Variants in SIK3 observed in about 807,000 individuals in gnomAD.
SIK3 encodes the protein serine/threonine-protein kinase SIK3.
SIK3 carries 28 observed loss-of-function variants against 144.2 expected under a neutral mutation model. That is an observed-to-expected ratio of 0.19 (90% CI 0.14 to 0.27). SIK3 has a LOEUF of 0.27. SIK3 is among the 10% of genes least tolerant of loss of function. The pLI is 1.00. For synonymous variants in SIK3, 686 were observed against 676.3 expected (o/e 1.01, Z -0.22); for missense variants, 1,319 against 1,776.0 (o/e 0.74, Z 4.62).
At chr11:117,093,156 C>T (rs1397839564) in intron 1 of SIK3, among the ~76,000 whole-genome samples, 1 of 152,180 alleles carries the variant, frequency 6.6e-6, no homozygotes, top group Non-Finnish European at 1.5e-5. Flanking sequence ...GTAAATTCTG[C>T]TTTCAATTTC....
At chr11:116,903,879 C>A (rs1399153254) in intron 4 of SIK3, among the ~76,000 whole-genome samples, 5 of 152,198 alleles carry the variant, frequency 3.3e-5, no homozygotes, top group Admixed American at 6.5e-5. Context: ...AGCCACTGCA[C>A]CAAGCCAAGA....
intron 3 of SIK3, among the ~76,000 whole-genome samples, chr11:116,943,531 G>A (rs1170925314): frequency 6.6e-6 from 1 of 152,174 alleles, no homozygotes; most frequent in African/African-American, 2.4e-5. Flanking sequence ...TGTTTGGGCA[G>A]CTGGTATACT....
At chr11:117,087,671 G>A (rs1031736328) in intron 1 of SIK3, among the ~76,000 whole-genome samples, 2 of 152,192 alleles carry the variant, frequency 1.3e-5, no homozygotes, top group Admixed American at 1.3e-4. Flanking sequence ...AGTGAGCCAA[G>A]CCTGCTCATA....
intron 3 of SIK3, among the ~76,000 whole-genome samples, chr11:116,927,965 C>T (rs1445252433): frequency 6.6e-6 from 1 of 152,186 alleles, no homozygotes; most frequent in African/African-American, 2.4e-5. Flanking sequence ...TAGCGATATA[C>T]CTACATCTTT....
intron 1 of SIK3, chr11:117,035,735 T>A (rs1952467361): frequency 8.6e-7 from 1 of 1,167,138 alleles, no homozygotes; most frequent in East Asian, 2.4e-5. Flanking sequence ...TTTTAATTTT[T>A]TTTTTTAATC....
At chr11:116,939,335 A>G (rs981861079) in intron 3 of SIK3, among the ~76,000 whole-genome samples, 3 of 152,168 alleles carry the variant, frequency 2.0e-5, no homozygotes, top group African/African-American at 7.2e-5. Flanking sequence ...TTCAATAAAG[A>G]CAAGGTTTCA....
intron 4 of SIK3, among the ~76,000 whole-genome samples, chr11:116,906,406 C>T (rs1248948525): frequency 6.6e-5 from 10 of 152,014 alleles, no homozygotes; most frequent in Non-Finnish European, 1.5e-5. Flanking sequence ...TGAAGATATT[C>T]TGAGAAACTG....
chr11:117,088,544 T>C (rs1375621582), intron 1 of SIK3, among the ~76,000 whole-genome samples: 1 of 152,178 alleles, frequency 6.6e-6, no homozygotes, highest in Non-Finnish European at 1.5e-5. Flanking sequence ...AATGAATATC[T>C]GCAGACATTG....
chr11:116,952,994 A>G (rs753520758), intron 3 of SIK3, among the ~76,000 whole-genome samples: 1 of 152,198 alleles, frequency 6.6e-6, no homozygotes, highest in Non-Finnish European at 1.5e-5. Flanking sequence ...CCAATTAAAT[A>G]TAAAATTAAG....
chr11:117,014,670 C>A (rs1951445941), intron 1 of SIK3, among the ~76,000 whole-genome samples: 2 of 152,182 alleles, frequency 1.3e-5, no homozygotes, highest in African/African-American at 2.4e-5. Context: ...TGTATATATT[C>A]AAGGCATACA....
At chr11:117,021,528 C>T (rs138714636) in intron 1 of SIK3, among the ~76,000 whole-genome samples, 8 of 152,132 alleles carry the variant, frequency 5.3e-5, no homozygotes, top group East Asian at 3.9e-4. Flanking sequence ...ATTCTCTCTG[C>T]CTTTTAGTTA....
chr11:116,936,020 A>G (rs972652164), intron 3 of SIK3, among the ~76,000 whole-genome samples: 3 of 152,210 alleles, frequency 2.0e-5, no homozygotes, highest in African/African-American at 7.2e-5. Context: ...CACACCTGTG[A>G]TCCCAGCACA....
intron 3 of SIK3, among the ~76,000 whole-genome samples, chr11:116,951,621 A>G (rs1948939994): frequency 1.3e-5 from 2 of 152,172 alleles, no homozygotes; most frequent in Admixed American, 1.3e-4. Flanking sequence ...GAAGTCCAGG[A>G]CCAAGAAACG....
chr11:116,973,533 T>G (rs1195818361), intron 1 of SIK3, among the ~76,000 whole-genome samples: 2 of 152,222 alleles, frequency 1.3e-5, no homozygotes, highest in African/African-American at 4.8e-5. Context: ...GTTACTTTTT[T>G]CAATTGCACA....
chr11:116,849,392 C>T lies in SIK3; in HGVS notation c.3656-109G>A. 7.8e-7 allele frequency: 1 copy of T among 1,288,792 alleles called. No individual in the cohort carries two copies. The highest frequency in any genetic ancestry group is 1.1e-6 in the Non-Finnish European group (1 of 923,260). The allele number at this position is 1,288,792 out of a possible 1,614,324, so 79.8% of individuals were successfully genotyped here. A position where few individuals can be genotyped will look rare whatever the true frequency, so the allele number is the denominator to read the frequency against. ...GGACAATGGGCAAGGCTGAGGAGATCATGTACACCAACCGCTGATCCTCAG... is the reference window on the plus strand; with the variant it reads ...GGACAATGGGCAAGGCTGAGGAGATTATGTACACCAACCGCTGATCCTCAG... On this transcript the variant is annotated intron_variant, in intron 21 of 24. Coordinates refer to ENST00000445177, the MANE Select transcript of SIK3 (RefSeq NM_001366686.3). The surrounding 1 kb of genome is among the most constrained non-coding windows in gnomAD (Gnocchi z 4.2).
At chr11:117,005,291 G>A (rs574245021) in intron 1 of SIK3, among the ~76,000 whole-genome samples, 8 of 128,048 alleles carry the variant, frequency 6.2e-5, no homozygotes, top group Admixed American at 1.9e-4. Context: ...AGCCGAGATC[G>A]CACCACTGCA....
chr11:116,896,419 G>A (rs1397883357), intron 5 of SIK3, 43 bp from the exon 6 acceptor site: 8 of 1,595,576 alleles, frequency 5.0e-6, no homozygotes, highest in Admixed American at 3.5e-5. Flanking sequence ...TCACATCAGG[G>A]GAAACAAAAA....
chr11:117,090,092 G>A (rs1955177265), intron 1 of SIK3, among the ~76,000 whole-genome samples: 1 of 152,192 alleles, frequency 6.6e-6, no homozygotes, highest in African/African-American at 2.4e-5. Flanking sequence ...CAAGACTGTT[G>A]AGACTTCTCA....
At chr11:116,915,202 G>A (rs1946567749) in intron 4 of SIK3, among the ~76,000 whole-genome samples, 1 of 150,522 alleles carries the variant, frequency 6.6e-6, no homozygotes, top group African/African-American at 2.5e-5. Flanking sequence ...GGGGCAGGCG[G>A]TGGGATAGAG....
Sources: gnomAD v4.1 joint callset for allele counts (sites outside exome capture counted in the v4.1 genomes callset) on GRCh38, gnomAD v4.1.1 for gene constraint, Gnocchi (gnomAD v3.1) non-coding constraint, MANE v1.5 for transcripts, NCBI Gene and HGNC (gene_info 2026-07-23, HGNC 2026-07-21) for gene names.